Variants in RBMX observed in about 807,000 individuals in gnomAD.
The protein encoded by RBMX is RNA-binding motif protein, X chromosome.
A neutral mutation model predicts 29.3 loss-of-function variants in RBMX; 1 was observed. The observed-to-expected ratio is 0.03, with a 90% CI of 0.01 to 0.16. The LOEUF is 0.16. Ranked by LOEUF, RBMX falls within the 10% of genes least tolerant of loss-of-function variation. The pLI is 1.00. For missense variants in RBMX, 121 were observed against 333.2 expected, an observed-to-expected ratio of 0.36 and a Z score of 4.96; for synonymous variants, 102 against 102.3, an observed-to-expected ratio of 1.00 and a Z score of 0.02.
downstream of RBMX, chrX:136,873,192 G>A (rs1470087755): frequency 1.8e-5 from 2 of 112,319 alleles, no homozygotes; most frequent in Non-Finnish European, 3.7e-5. Context: ...GTACTATGAG[G>A]AAGGTAAGTG....
chrX:136,876,719 T>C (rs1449043911), intron 4 of RBMX, 64 bp from the exon 5 acceptor site: 10 of 994,453 alleles, frequency 1.0e-5, no homozygotes, highest in Non-Finnish European at 1.2e-5. Flanking sequence ...TATAAAAGTT[T>C]TTTTTTTTTT....
chrX:136,873,918 A>G lies in RBMX; in HGVS notation c.*224T>C, dbSNP rs768599772. The G allele has an allele frequency of 9.4e-7, 1 of 1,061,619 alleles. No individual in the cohort carries two copies. Among genetic ancestry groups the G allele is most frequent in the South Asian group, 2.7e-5 (1 of 36,925 alleles). The allele number at this position is 1,061,619 out of a possible 1,213,427, so 87.5% of individuals were successfully genotyped here. On this transcript the variant is annotated 3_prime_UTR_variant, in exon 9 of 9. Transcript: ENST00000320676. ...ACAACACTAGTACAAGTCTTAACAC[A>G]TTTAACATTTGCTTGTTGAAAAGCA... is the stretch of plus-strand genomic sequence containing the variant.
At chrX:136,873,162 G>A (rs940325054), downstream of RBMX, 2 of 110,689 alleles carry the variant, frequency 1.8e-5, no homozygotes, top group Non-Finnish European at 3.8e-5. Context: ...CCATTGCCTT[G>A]AGGTACAGTA....
At chrX:136,874,628 A>G (rs1256298206) in intron 8 of RBMX, 176 bp from the exon 9 acceptor site, 7 of 538,425 alleles carry the variant, frequency 1.3e-5, no homozygotes, top group Non-Finnish European at 2.0e-5. Flanking sequence ...TGAGATATGG[A>G]ATTGGATTCA....
chrX:136,876,295 G>T (rs1027707385), intron 5 of RBMX, among the ~76,000 whole-genome samples: 2 of 107,798 alleles, frequency 1.9e-5, no homozygotes, highest in African/African-American at 6.8e-5. Context: ...GCTAATTTTT[G>T]TATTTTTTAG....
chrX:136,869,886 A>T (rs2077675022), downstream of RBMX: 2 of 112,214 alleles, frequency 1.8e-5, no homozygotes, highest in Non-Finnish European at 3.8e-5. Context: ...ACAATACAGC[A>T]AAAGAAAGCC....
At chrX:136,874,582 G>A in intron 8 of RBMX, 130 bp from the exon 9 acceptor site, 1 of 754,475 alleles carries the variant, frequency 1.3e-6, no homozygotes, top group Non-Finnish European at 1.9e-6. Flanking sequence ...TTTAAACTCT[G>A]CCATTGCTGG....
chrX:136,876,113 T>G (rs180883864), intron 5 of RBMX, among the ~76,000 whole-genome samples: 2 of 95,888 alleles, frequency 2.1e-5, no homozygotes, highest in African/African-American at 7.9e-5. Flanking sequence ...ATGAATAAAG[T>G]TTTTTTTTTT....
intron 1 of RBMX, among the ~76,000 whole-genome samples, chrX:136,879,751 G>A (rs749760480): frequency 5.4e-5 from 6 of 111,585 alleles, no homozygotes; most frequent in Non-Finnish European, 7.5e-5. Flanking sequence ...GCAACTTTTA[G>A]TTCCAGTCCT....
chrX:136,874,736 G>A, intron 8 of RBMX: 1 of 383,187 alleles, frequency 2.6e-6, no homozygotes, highest in Non-Finnish European at 4.3e-6. Flanking sequence ...CCACTTTCCA[G>A]TGATAAGTTG....
At chrX:136,871,784 T>C (rs1031777622), downstream of RBMX, among the ~76,000 whole-genome samples, 2 of 105,941 alleles carry the variant, frequency 1.9e-5, no homozygotes, top group South Asian at 8.6e-4. Flanking sequence ...GTAGCTGGGA[T>C]TACAGGCGCA....
downstream of RBMX, among the ~76,000 whole-genome samples, chrX:136,871,811 GTTTTTTTTT>G (rs750533072): frequency 1.3e-5 from 1 of 74,940 alleles, no homozygotes; most frequent in Non-Finnish European, 2.6e-5. Flanking sequence ...CACGCCCGGT[GTTTTTTTTT>G]TTTTTTTTTT....
At chrX:136,879,257 C>A in intron 2 of RBMX, 62 bp downstream of exon 2, 1 of 1,194,605 alleles carries the variant, frequency 8.4e-7, no homozygotes, top group East Asian at 3.0e-5. Context: ...TCAATGCAAT[C>A]AAATTCATCA....
At position 136,874,225 on chromosome X, in the gene RBMX, T is replaced by C. The variant is rs1261438268; in HGVS notation, c.1093A>G (p.Ser365Gly). 3.3e-6 allele frequency: 4 copies of C among 1,212,950 alleles called. No individual in the cohort carries two copies. In the South Asian group the frequency reaches 5.3e-5, roughly 16 times the overall value. The change falls in exon 9 of 9, where the codon AGC becomes GGC. Residue 365 changes from serine to glycine, a missense_variant. Physicochemically the swap from Ser to Gly is moderately conservative, Grantham distance 56. Transcript: ENST00000320676. ...CTTGGTGCTCCGCGGCTTGAACTGC[T>C]GTAGGAATCACGTGGAGGAGGGTAC... The part of the protein sequence containing the change: ...RGYPPPRDSY[S>G]SSSRGAPRGG...
intron 1 of RBMX, among the ~76,000 whole-genome samples, chrX:136,879,781 A>G (rs2077779180): frequency 9.0e-6 from 1 of 111,514 alleles, no homozygotes; most frequent in African/African-American, 3.3e-5. Context: ...GAAAGATTCA[A>G]TTACTCATCA....
chrX:136,871,811 G>GTTT (rs750533072), downstream of RBMX, among the ~76,000 whole-genome samples: 63 of 74,890 alleles, frequency 8.4e-4, 2 homozygotes, highest in Non-Finnish European at 1.3e-3. Context: ...CACGCCCGGT[G>GTTT]TTTTTTTTTT....
chrX:136,877,332 C>CG (rs1212126752), intron 4 of RBMX, among the ~76,000 whole-genome samples: 2 of 78,662 alleles, frequency 2.5e-5, no homozygotes, highest in African/African-American at 8.9e-5. Flanking sequence ...AACTCTACCC[C>CG]CCCCCCCCCA....
chrX:136,869,736 C>T (rs2077674268), downstream of RBMX: 1 of 110,340 alleles, frequency 9.1e-6, no homozygotes, highest in Non-Finnish European at 1.9e-5. Context: ...AAAAAAAAAT[C>T]ATATAAGTTG....
At chrX:136,870,904 C>T (rs1435714496), downstream of RBMX, among the ~76,000 whole-genome samples, 1 of 103,614 alleles carries the variant, frequency 9.7e-6, no homozygotes, top group Non-Finnish European at 2.0e-5. Context: ...GTTAGGGGTT[C>T]AAGACCAGCC....
Sources: allele counts gnomAD v4.1 joint callset (sites outside exome capture counted in the v4.1 genomes callset), GRCh38; gene constraint gnomAD v4.1.1; transcripts MANE v1.5; gene names NCBI Gene and HGNC (gene_info 2026-07-23, HGNC 2026-07-21).